ACAP2: variants seen among roughly 807,000 people sequenced by gnomAD.
ACAP2 encodes ArfGAP with coiled-coil, ankyrin repeat and PH domains 2.
Under a neutral mutation model 115.8 loss-of-function variants are expected in ACAP2, and 39 were observed. The ratio of observed to expected loss-of-function variants is 0.34; its 90% CI spans 0.26 to 0.44. ACAP2 has a LOEUF of 0.44. Ranked by LOEUF, ACAP2 falls within the 20% of genes least tolerant of loss-of-function variation. The probability of loss-of-function intolerance (pLI) is 1.00; values close to 1 mark genes in which losing one functional copy is unlikely to be tolerated. For synonymous variants in ACAP2, 289 were observed against 315.8 expected, an observed-to-expected ratio of 0.92 and a Z score of 0.90; for missense variants, 662 against 927.6, an observed-to-expected ratio of 0.71 and a Z score of 3.72.
chr3:195,351,333 T>TCATGAAC (rs1421745502), intron 4 of ACAP2, among the ~76,000 whole-genome samples: 1 of 152,010 alleles, frequency 6.6e-6, no homozygotes, highest in Non-Finnish European at 1.5e-5. Context: ...CCCAGGATGG[T>TCATGAAC]CATGAACTCC....
rs554348705 is a variant in ACAP2, at chr3:195,295,767, C to A, written c.1613G>T (p.Arg538Met). 6.2e-7 allele frequency: 1 copy of A among 1,614,102 alleles called. No individual in the cohort carries two copies. Among genetic ancestry groups the A allele is most frequent in the Non-Finnish European group, 8.5e-7 (1 of 1,180,006 alleles). ...KFVSKSSEEK[R>M]LSISKFGPGD... Reference sequence around the variant, plus strand: ...TGGCCCAAATTTAGAAATGCTCAGCCTCTTTTCTTCAGAACTTTTAGAGAC... The same window carrying A: ...TGGCCCAAATTTAGAAATGCTCAGCATCTTTTCTTCAGAACTTTTAGAGAC... Residue 538 changes from arginine to methionine, a missense_variant, in exon 17 of 23, where the codon AGG becomes ATG. Arg to Met is a moderately conservative substitution (Grantham distance 91). Transcript: ENST00000326793.
intron 4 of ACAP2, among the ~76,000 whole-genome samples, chr3:195,370,688 C>A (rs1026988017): frequency 2.0e-5 from 3 of 152,134 alleles, no homozygotes; most frequent in African/African-American, 4.8e-5. Flanking sequence ...TGGTGACTCA[C>A]ACCTGTAATC....
At chr3:195,359,662 C>T (rs915939943) in intron 4 of ACAP2, among the ~76,000 whole-genome samples, 4 of 152,046 alleles carry the variant, frequency 2.6e-5, no homozygotes, top group Non-Finnish European at 5.9e-5. Context: ...AGAGACGGGG[C>T]TTCACCGTGT....
intron 1 of ACAP2, among the ~76,000 whole-genome samples, chr3:195,440,195 C>T (rs1279597236): frequency 6.6e-6 from 1 of 151,078 alleles, no homozygotes; most frequent in African/African-American, 2.4e-5. Flanking sequence ...TTTAAAAAAC[C>T]AAAAAGGGAA....
chr3:195,365,663 T>C (rs1299250999), intron 4 of ACAP2, among the ~76,000 whole-genome samples: 2 of 152,174 alleles, frequency 1.3e-5, no homozygotes, highest in Non-Finnish European at 2.9e-5. Flanking sequence ...TTCCGGAATC[T>C]ATAGAAAAGG....
chr3:195,412,572 C>A (rs980718319), intron 1 of ACAP2, among the ~76,000 whole-genome samples: 1 of 151,926 alleles, frequency 6.6e-6, no homozygotes, highest in Non-Finnish European at 1.5e-5. Context: ...AGATGGCACA[C>A]TGCACTCCAG....
intron 1 of ACAP2, among the ~76,000 whole-genome samples, chr3:195,439,417 G>A (rs1172777659): frequency 1.3e-5 from 2 of 151,698 alleles, no homozygotes; most frequent in Non-Finnish European, 2.9e-5. Flanking sequence ...GGCCTCAAGC[G>A]ATCCTCTTGT....
chr3:195,302,322 A>G (rs992585085), intron 13 of ACAP2, 148 bp from the exon 14 acceptor site: 3 of 691,320 alleles, frequency 4.3e-6, no homozygotes, highest in Admixed American at 6.4e-5. Flanking sequence ...CTAGAAATTC[A>G]AGGATAAAAA....
chr3:195,364,547 G>C, intron 4 of ACAP2, among the ~76,000 whole-genome samples: 1 of 151,840 alleles, frequency 6.6e-6, no homozygotes, highest in East Asian at 1.9e-4. Context: ...CTCCAGCCTG[G>C]GTGACAGAGC....
chr3:195,370,823 G>A (rs1008426673), intron 4 of ACAP2, among the ~76,000 whole-genome samples: 1 of 151,962 alleles, frequency 6.6e-6, no homozygotes, highest in African/African-American at 2.4e-5. Context: ...ATGGTGGTGG[G>A]CACCTGTAAT....
chr3:195,280,507 C>T (rs1726427718), intron 22 of ACAP2, among the ~76,000 whole-genome samples: 1 of 152,074 alleles, frequency 6.6e-6, no homozygotes, highest in South Asian at 2.1e-4. Flanking sequence ...GCTTTAAAAT[C>T]AGTTTTGCAT....
At chr3:195,397,687 C>T (rs575448221) in intron 1 of ACAP2, among the ~76,000 whole-genome samples, 5 of 151,972 alleles carry the variant, frequency 3.3e-5, no homozygotes, top group African/African-American at 1.2e-4. Context: ...AGTTGTGTTT[C>T]GGTTTCTTCT....
chr3:195,346,956 T>A (rs1432827097), intron 4 of ACAP2, among the ~76,000 whole-genome samples: 2 of 152,006 alleles, frequency 1.3e-5, no homozygotes, highest in Non-Finnish European at 2.9e-5. Context: ...TTTCCACTGA[T>A]AGGAGGAGGA....
chr3:195,327,000 G>A (rs751808475), intron 8 of ACAP2, 41 bp from the exon 9 acceptor site: 4 of 1,528,280 alleles, frequency 2.6e-6, no homozygotes, highest in South Asian at 2.3e-5. Context: ...CTTAAAAAAA[G>A]TATGGATTAG....
intron 1 of ACAP2, among the ~76,000 whole-genome samples, chr3:195,398,362 T>G (rs1189940104): frequency 6.6e-6 from 1 of 152,114 alleles, no homozygotes; most frequent in Non-Finnish European, 1.5e-5. Context: ...ATATCTCCAC[T>G]GGCCAGGCAT....
At chr3:195,383,714 T>C (rs997059528) in intron 2 of ACAP2, among the ~76,000 whole-genome samples, 3 of 151,370 alleles carry the variant, frequency 2.0e-5, no homozygotes, top group East Asian at 1.9e-4. Flanking sequence ...AGAAACAACA[T>C]AGGAAAACAA....
chr3:195,366,515 A>G (rs1732734533), intron 4 of ACAP2, among the ~76,000 whole-genome samples: 1 of 152,204 alleles, frequency 6.6e-6, no homozygotes, highest in Non-Finnish European at 1.5e-5. Context: ...GGAGCTGGTC[A>G]GAACTATAGA....
intron 1 of ACAP2, among the ~76,000 whole-genome samples, chr3:195,429,563 G>C (rs1714951403): frequency 6.6e-6 from 1 of 152,084 alleles, no homozygotes; most frequent in Non-Finnish European, 1.5e-5. Flanking sequence ...CAAAACAGTG[G>C]TTGTCTTTAG....
intron 2 of ACAP2, among the ~76,000 whole-genome samples, chr3:195,383,418 G>A (rs990695133): frequency 5.9e-5 from 9 of 151,940 alleles, no homozygotes; most frequent in Admixed American, 4.6e-4. Context: ...CAGCCAGTGG[G>A]GGAAAAGTTA....
Sources: gnomAD v4.1 joint callset for allele counts (sites outside exome capture counted in the v4.1 genomes callset) on GRCh38, gnomAD v4.1.1 for gene constraint, MANE v1.5 for transcripts, NCBI Gene and HGNC (gene_info 2026-07-23, HGNC 2026-07-21) for gene names.